Variants in CERT1 observed in about 807,000 individuals in gnomAD.
The protein encoded by CERT1 is ceramide transfer protein.
CERT1 carries 31 observed loss-of-function variants against 87.9 expected under a neutral mutation model. The ratio of observed to expected loss-of-function variants is 0.35; its 90% confidence interval spans 0.27 to 0.48. The LOEUF (loss-of-function observed/expected upper bound fraction) is 0.48. Ranked by LOEUF, CERT1 falls within the 20% of genes least tolerant of loss-of-function variation. The pLI is 0.99. For synonymous variants in CERT1, 289 were observed against 250.9 expected (o/e 1.15, Z -1.44); for missense variants, 487 against 758.0 (o/e 0.64, Z 4.20).
chr5:75,467,700 G>C (rs1765526098), intron 2 of CERT1, among the ~76,000 whole-genome samples: 1 of 147,330 alleles, frequency 6.8e-6, no homozygotes, highest in Non-Finnish European at 1.5e-5. Context: ...CAATAAAACA[G>C]TTCTGTAATT....
At chr5:75,496,626 C>A (rs957176234) in intron 2 of CERT1, among the ~76,000 whole-genome samples, 1 of 152,092 alleles carries the variant, frequency 6.6e-6, no homozygotes, top group Admixed American at 6.5e-5. Flanking sequence ...TATAGTGAAA[C>A]AGTATTCAGC....
At chr5:75,441,101 T>C (rs183128946) in intron 3 of CERT1, among the ~76,000 whole-genome samples, 1 of 152,290 alleles carries the variant, frequency 6.6e-6, no homozygotes, top group East Asian at 1.9e-4. Flanking sequence ...ATGCACTGCA[T>C]AATGTTTTTG....
At chr5:75,405,057 C>T (rs1013330872) in intron 8 of CERT1, among the ~76,000 whole-genome samples, 2 of 151,966 alleles carry the variant, frequency 1.3e-5, no homozygotes, top group African/African-American at 4.8e-5. Context: ...TCTATTTTGC[C>T]AAATGAAATG....
chr5:75,397,908 A>C (rs1033342628), intron 11 of CERT1, among the ~76,000 whole-genome samples: 6 of 152,158 alleles, frequency 3.9e-5, no homozygotes. Context: ...AATCCCAGCT[A>C]CTTGGGAGGC....
intron 12 of CERT1, among the ~76,000 whole-genome samples, chr5:75,388,638 A>ATATATATATATATATATATC (rs1554034746): frequency 9.3e-6 from 1 of 107,568 alleles, no homozygotes; most frequent in Non-Finnish European, 1.9e-5. Flanking sequence ...ATATATATAT[A>ATATATATATATATATATATC]TATCTCACAC....
At chr5:75,498,846 A>C (rs1767203299) in intron 2 of CERT1, among the ~76,000 whole-genome samples, 1 of 152,202 alleles carries the variant, frequency 6.6e-6, no homozygotes. Flanking sequence ...TCCAGATCCC[A>C]GAATAGTAGA....
intron 2 of CERT1, among the ~76,000 whole-genome samples, chr5:75,475,606 A>G (rs1765920537): frequency 6.6e-6 from 1 of 152,136 alleles, no homozygotes; most frequent in Admixed American, 6.5e-5. Flanking sequence ...TTTGAAAATT[A>G]CACTGTTCCT....
At chr5:75,401,139 C>T (rs571579460) in intron 9 of CERT1, 1 of 152,166 alleles carries the variant, frequency 6.6e-6, no homozygotes, top group Non-Finnish European at 1.5e-5. Context: ...GTATCTCTGT[C>T]ATATCAACAT....
At chr5:75,387,359 T>C (rs905559651) in intron 12 of CERT1, among the ~76,000 whole-genome samples, 4 of 152,196 alleles carry the variant, frequency 2.6e-5, no homozygotes, top group Non-Finnish European at 5.9e-5. Context: ...TCTACTGTTC[T>C]AGGTAGGCTT....
chr5:75,412,341 C>T (rs1762964842), intron 7 of CERT1, among the ~76,000 whole-genome samples: 1 of 152,218 alleles, frequency 6.6e-6, no homozygotes, highest in Non-Finnish European at 1.5e-5. Flanking sequence ...GATTCATGGT[C>T]ACTCTGGCTA....
intron 2 of CERT1, among the ~76,000 whole-genome samples, chr5:75,491,905 T>A (rs181600233): frequency 6.6e-6 from 1 of 152,282 alleles, no homozygotes; most frequent in East Asian, 1.9e-4. Context: ...ACTCTTTGAG[T>A]CAAGGTTTGA....
intron 2 of CERT1, among the ~76,000 whole-genome samples, chr5:75,477,454 T>C (rs2112375978): frequency 6.6e-6 from 1 of 152,146 alleles, no homozygotes; most frequent in South Asian, 2.1e-4. Flanking sequence ...TCCCAGCTCA[T>C]GAAAGACATG....
At chr5:75,476,859 T>A (rs1561290244) in intron 2 of CERT1, among the ~76,000 whole-genome samples, 2 of 152,156 alleles carry the variant, frequency 1.3e-5, no homozygotes, top group African/African-American at 4.8e-5. Flanking sequence ...TGGAAAAGCC[T>A]GCACATCACA....
In CERT1 at chr5:75,426,407, T is replaced by G. The variant is rs1763618351; in HGVS notation, c.420A>C (p.Ala140=). 6.2e-7 allele frequency: 1 copy of G among 1,613,810 alleles called. No individual in the cohort carries two copies. Among genetic ancestry groups the G allele is most frequent in the South Asian group, 1.1e-5 (1 of 91,064 alleles). The part of the protein sequence containing the change: ...HGSMVSLVSG[A]SGYSATSTSS... ...AGGTGGATGTTGCAGAGTAGCCACTTGCTCCAGACACCAGGGACACCATTG... is the reference window on the plus strand; with the variant it reads ...AGGTGGATGTTGCAGAGTAGCCACTGGCTCCAGACACCAGGGACACCATTG... The change falls in exon 4 of 17, where the codon GCA becomes GCC. Residue 140 remains alanine (A), a synonymous_variant. Coordinates refer to ENST00000643780, the MANE Select transcript of CERT1 (RefSeq NM_001379029.1).
rs139750218 is a variant in CERT1 at position 75,441,868 on chromosome 5, C to T, written c.349-15390G>A. Among the ~76,000 whole-genome samples the T allele has an allele frequency of 7.2e-5, 11 of 152,272 alleles. No individual in the cohort carries two copies. The East Asian group carries it at 1.2e-3, about 16-fold the overall frequency. On this transcript the variant is annotated intron_variant, in intron 3 of 16. Coordinates refer to ENST00000643780, the MANE Select transcript of CERT1 (RefSeq NM_001379029.1). ...GTGATTGTGAATCATACCAGGAACA[C>T]GGGTATACAACTCTCTTCAAGATCC...
intron 2 of CERT1, among the ~76,000 whole-genome samples, chr5:75,473,521 G>A (rs759288643): frequency 5.3e-5 from 8 of 152,172 alleles, no homozygotes; most frequent in Non-Finnish European, 7.3e-5. Context: ...TCTTAAAAAA[G>A]TTGATCTCAT....
intron 3 of CERT1, among the ~76,000 whole-genome samples, chr5:75,431,216 C>A (rs1417251754): frequency 6.6e-6 from 1 of 152,162 alleles, no homozygotes; most frequent in African/African-American, 2.4e-5. Context: ...CTCCTCCCAT[C>A]CTCCACCCTC....
intron 3 of CERT1, among the ~76,000 whole-genome samples, chr5:75,429,200 T>A (rs5022712): frequency 0.18 from 22,726 of 126,544 alleles, 1,862 homozygotes; most frequent in South Asian, 0.26. Flanking sequence ...TAATAATAAT[T>A]ATTATTATTA....
intron 7 of CERT1, among the ~76,000 whole-genome samples, chr5:75,416,377 T>G (rs1349817166): frequency 6.6e-6 from 1 of 152,174 alleles, no homozygotes; most frequent in Non-Finnish European, 1.5e-5. Context: ...ACTATAATAT[T>G]ATCAGTGCTG....
Sources: allele counts gnomAD v4.1 joint callset (sites outside exome capture counted in the v4.1 genomes callset), GRCh38; gene constraint gnomAD v4.1.1; transcripts MANE v1.5; gene names NCBI Gene and HGNC (gene_info 2026-07-23, HGNC 2026-07-21).